Variants in PPARG observed in about 807,000 individuals in gnomAD.
PPARG encodes the protein peroxisome proliferator-activated receptor gamma.
In PPARG, 17 loss-of-function variants were observed where a neutral mutation model predicts 39.2. That is an observed-to-expected ratio of 0.43 (90% CI 0.30 to 0.65). PPARG has a LOEUF of 0.65. Among genes scored for constraint, PPARG ranks in the 30% least tolerant of loss-of-function variants. PPARG has a pLI of 0.13. For missense variants in PPARG, 406 were observed against 585.9 expected (o/e 0.69, Z 3.17); for synonymous variants, 223 against 215.7 (o/e 1.03, Z -0.30).
chr3:12,365,197 C>A (rs1294730417), intron 2 of PPARG, among the ~76,000 whole-genome samples: 1 of 152,206 alleles, frequency 6.6e-6, no homozygotes, highest in Non-Finnish European at 1.5e-5. Context: ...TAATGCTTGC[C>A]CATCAGCAGT....
At chr3:12,351,477 T>A in intron 2 of PPARG, 1 of 773,108 alleles carries the variant, frequency 1.3e-6, no homozygotes. Flanking sequence ...TCTTGACTCA[T>A]GGGTGTATTC....
At chr3:12,401,763 C>T (rs767534491) in intron 5 of PPARG, among the ~76,000 whole-genome samples, 1 of 152,068 alleles carries the variant, frequency 6.6e-6, no homozygotes, top group African/African-American at 2.4e-5. Flanking sequence ...ATGTTAAAAT[C>T]ACCTATATAA....
At chr3:12,303,163 T>C (rs1289142585) in intron 1 of PPARG, among the ~76,000 whole-genome samples, 1 of 151,998 alleles carries the variant, frequency 6.6e-6, no homozygotes, top group Non-Finnish European at 1.5e-5. Flanking sequence ...CCCTAAAGGA[T>C]GAATGAGTGG....
chr3:12,366,202 T>C (rs1263382328), intron 2 of PPARG, among the ~76,000 whole-genome samples: 1 of 152,054 alleles, frequency 6.6e-6, no homozygotes, highest in Non-Finnish European at 1.5e-5. Flanking sequence ...GTAATGTCTG[T>C]TTGGGGGTAA....
intron 5 of PPARG, among the ~76,000 whole-genome samples, chr3:12,394,103 A>C (rs2050175827): frequency 1.3e-5 from 2 of 152,220 alleles, no homozygotes; most frequent in Non-Finnish European, 2.9e-5. Context: ...CATAAGGGCA[A>C]GCTTCCAAGT....
chr3:12,350,526 G>A (rs1036586597), intron 2 of PPARG, among the ~76,000 whole-genome samples: 11 of 152,220 alleles, frequency 7.2e-5, no homozygotes, highest in African/African-American at 1.4e-4. Context: ...TTGAAAGTCC[G>A]CAAAGTCACT....
intron 2 of PPARG, among the ~76,000 whole-genome samples, chr3:12,328,466 G>A (rs570372669): frequency 6.6e-6 from 1 of 152,292 alleles, no homozygotes; most frequent in Non-Finnish European, 1.5e-5. Context: ...CCCTGGCTTT[G>A]CCTGCCACCT....
rs1374396894 is a variant in PPARG at position 12,416,731 on chromosome 3, TTAA to T, written c.759_761del (p.Met255del). 1 of 1,614,002 alleles carries T rather than the reference TTAA, an allele frequency of 6.2e-7. No individual in the cohort carries two copies. Among genetic ancestry groups the T allele is most frequent in the Non-Finnish European group, 8.5e-7 (1 of 1,179,938 alleles). On this transcript the variant is annotated inframe_deletion, in exon 7 of 8. Transcript: ENST00000651735. ...ATTCGTTATCTATGACATGAATTCC[TTAA>T]TGATGGGAGAAGATAAAATCAAGTT...
At chr3:12,414,163 G>A (rs2050979421) in intron 6 of PPARG, among the ~76,000 whole-genome samples, 1 of 152,192 alleles carries the variant, frequency 6.6e-6, no homozygotes, top group Non-Finnish European at 1.5e-5. Context: ...AAGCCAAATG[G>A]TTGAGCAGAA....
At chr3:12,382,459 T>G (rs561627952) in intron 4 of PPARG, among the ~76,000 whole-genome samples, 2 of 152,320 alleles carry the variant, frequency 1.3e-5, no homozygotes, top group Admixed American at 6.5e-5. Context: ...AAATATTCAC[T>G]TTATAAAATA....
At chr3:12,432,721 C>A (rs1175732446) in intron 7 of PPARG, among the ~76,000 whole-genome samples, 1 of 152,092 alleles carries the variant, frequency 6.6e-6, no homozygotes, top group East Asian at 1.9e-4. Flanking sequence ...ATATAATTAT[C>A]TATCCAAAAA....
chr3:12,422,270 C>G (rs2051289178), intron 7 of PPARG, among the ~76,000 whole-genome samples: 4 of 152,318 alleles, frequency 2.6e-5, no homozygotes, highest in African/African-American at 9.6e-5. Context: ...TATATACACC[C>G]ATAATCTGTT....
At chr3:12,287,804 GCCCCCGCCCCCGCCCCCACCCCCA>G (rs1427066562), upstream of PPARG, 2 of 29,506 alleles carry the variant, frequency 6.8e-5, no homozygotes, top group Admixed American at 5.8e-4. Context: ...CCCCGCCCCC[GCCCCCGCCCCCGCCCCCACCCCCA>G]CCCCCACCCC....
At chr3:12,306,016 T>C (rs1436524041) in intron 1 of PPARG, 1 of 152,232 alleles carries the variant, frequency 6.6e-6, no homozygotes, top group East Asian at 1.9e-4. Flanking sequence ...TTTAAGCACA[T>C]TATATACATT....
chr3:12,427,814 C>T (rs1217303858), intron 7 of PPARG, among the ~76,000 whole-genome samples: 1 of 152,176 alleles, frequency 6.6e-6, no homozygotes, highest in Non-Finnish European at 1.5e-5. Flanking sequence ...CCTAAGTAGC[C>T]CTGCCTCCCC....
intron 2 of PPARG, among the ~76,000 whole-genome samples, chr3:12,331,340 T>G (rs1333701825): frequency 6.6e-6 from 1 of 152,086 alleles, no homozygotes; most frequent in African/African-American, 2.4e-5. Context: ...TGGAGTTACC[T>G]TAAGGGGGTT....
chr3:12,367,931 C>T (rs1268432340), intron 2 of PPARG, among the ~76,000 whole-genome samples: 2 of 151,418 alleles, frequency 1.3e-5, no homozygotes, highest in East Asian at 3.9e-4. Context: ...TTTCTAATAC[C>T]CTTTGTTGAT....
At chr3:12,342,019 A>G (rs1393604431) in intron 2 of PPARG, among the ~76,000 whole-genome samples, 1 of 152,206 alleles carries the variant, frequency 6.6e-6, no homozygotes, top group Non-Finnish European at 1.5e-5. Flanking sequence ...TAACTGTACA[A>G]TGGAGAGATG....
intron 2 of PPARG, among the ~76,000 whole-genome samples, chr3:12,353,951 C>T (rs1434039157): frequency 1.3e-5 from 2 of 152,112 alleles, no homozygotes; most frequent in Non-Finnish European, 2.9e-5. Context: ...GTCGTTGCAC[C>T]AGAGCCTTGA....
Sources: gnomAD v4.1 joint callset for allele counts (sites outside exome capture counted in the v4.1 genomes callset) on GRCh38, gnomAD v4.1.1 for gene constraint, MANE v1.5 for transcripts, NCBI Gene and HGNC (gene_info 2026-07-23, HGNC 2026-07-21) for gene names.